CARMIL1: variants seen among roughly 807,000 people sequenced by gnomAD.
CARMIL1 encodes capping protein regulator and myosin 1 linker 1.
Under a neutral mutation model 177.1 loss-of-function variants are expected in CARMIL1, and 90 were observed. The observed-to-expected ratio is 0.51, with a 90% CI of 0.43 to 0.61. CARMIL1 has a LOEUF of 0.61. CARMIL1 is among the 20% of genes least tolerant of loss of function. CARMIL1 has a pLI of 0.00. For synonymous variants in CARMIL1, 577 were observed against 606.2 expected, an observed-to-expected ratio of 0.95 and a Z score of 0.71; for missense variants, 1,380 against 1,667.0, an observed-to-expected ratio of 0.83 and a Z score of 3.00.
At chr6:25,440,823 C>A (rs574127349) in intron 5 of CARMIL1, among the ~76,000 whole-genome samples, 41 of 152,150 alleles carry the variant, frequency 2.7e-4, no homozygotes, top group Admixed American at 1.9e-3. Flanking sequence ...TTTGTCCCAT[C>A]AAATTTATTT....
chr6:25,307,850 A>G (rs1477787416), intron 2 of CARMIL1, among the ~76,000 whole-genome samples: 1 of 152,116 alleles, frequency 6.6e-6, no homozygotes, highest in East Asian at 1.9e-4. Context: ...TAAATGAGGG[A>G]TAGCTAAAAG....
At chr6:25,503,896 T>C (rs994036908) in intron 17 of CARMIL1, among the ~76,000 whole-genome samples, 4 of 152,014 alleles carry the variant, frequency 2.6e-5, no homozygotes, top group Non-Finnish European at 4.4e-5. Flanking sequence ...GTGTTGATCA[T>C]TGTGCTTGGG....
chr6:25,520,265 G>C lies in CARMIL1; in HGVS notation c.1896G>C (p.Met632Ile). The change falls in exon 23 of 37, where the codon ATG becomes ATC. Residue 632 changes from methionine (M) to isoleucine (I), a missense_variant. Transcript: ENST00000329474. ...AMEKNYTLRF[M>I]PIPMYDASQA... The stretch of plus-strand genomic sequence containing the variant: ...CTAGGAACTACACATTAAGATTTAT[G>C]CCAATTCCTATGTATGATGCTTCTC... 1 of 1,549,084 alleles carries C rather than the reference G, an allele frequency of 6.5e-7. No individual in the cohort carries two copies. The highest frequency in any genetic ancestry group is 1.2e-5 in the South Asian group (1 of 83,188).
At position 25,600,297 on chromosome 6, in the gene CARMIL1, C is replaced by T. The variant is rs765785663; in HGVS notation, c.3120-17C>T. On this transcript the variant is annotated splice_polypyrimidine_tract_variant and intron_variant, in intron 32 of 36. Transcript: ENST00000329474. ...TACAGTAAAAACAACAGATCTGTGT[C>T]TTGGTTTGAAATGCAGGAAATGGTC... The T allele has an allele frequency of 2.5e-6, 4 of 1,590,856 alleles. No homozygotes were observed. Among genetic ancestry groups the T allele is most frequent in the Non-Finnish European group, 3.4e-6 (4 of 1,169,934 alleles).
At chr6:25,345,407 C>A (rs1459238480) in intron 2 of CARMIL1, among the ~76,000 whole-genome samples, 1 of 152,114 alleles carries the variant, frequency 6.6e-6, no homozygotes, top group South Asian at 2.1e-4. Context: ...ATGACTTCTG[C>A]ATTCGTATTT....
intron 2 of CARMIL1, among the ~76,000 whole-genome samples, chr6:25,345,014 C>T (rs183076609): frequency 9.9e-5 from 15 of 152,278 alleles, no homozygotes; most frequent in African/African-American, 3.1e-4. Flanking sequence ...TTGAATGAGT[C>T]ATCTGTATGC....
rs528729682 is a variant in CARMIL1 at position 25,538,370 on chromosome 6, T to C, written c.2196+387T>C. Among the ~76,000 whole-genome samples the C allele has an allele frequency of 5.9e-5, 9 of 152,290 alleles. No homozygotes were observed. In the East Asian group the frequency reaches 1.7e-3, roughly 29 times the overall value. The stretch of plus-strand genomic sequence containing the variant: ...CTTTGGTTCCCAATGTGTGACTTAG[T>C]AGAGTAAGGACTTAACTGTGAGTCA... On this transcript the variant is annotated intron_variant, in intron 25 of 36. Coordinates refer to ENST00000329474, the MANE Select transcript of CARMIL1 (RefSeq NM_017640.6).
At chr6:25,487,380 A>C (rs1405048623) in intron 12 of CARMIL1, among the ~76,000 whole-genome samples, 1 of 152,188 alleles carries the variant, frequency 6.6e-6, no homozygotes, top group African/African-American at 2.4e-5. Context: ...AGGGGAAAGA[A>C]AACCTTTTCC....
At chr6:25,421,926 C>T (rs999552526) in intron 3 of CARMIL1, among the ~76,000 whole-genome samples, 7 of 149,770 alleles carry the variant, frequency 4.7e-5, no homozygotes, top group Non-Finnish European at 1.0e-4. Context: ...ATGTAAATGA[C>T]GAGTTAATGG....
chr6:25,378,323 G>A (rs1258086033), intron 2 of CARMIL1, among the ~76,000 whole-genome samples: 2 of 152,172 alleles, frequency 1.3e-5, no homozygotes, highest in Non-Finnish European at 2.9e-5. Flanking sequence ...CCTTTGCATG[G>A]CCTTCAGGCC....
chr6:25,337,668 C>T (rs975045182), intron 2 of CARMIL1, among the ~76,000 whole-genome samples: 6 of 152,176 alleles, frequency 3.9e-5, no homozygotes, highest in Non-Finnish European at 8.8e-5. Flanking sequence ...GTCAGAGGCT[C>T]CTCAAGTGGA....
In CARMIL1 at chr6:25,488,483, G is replaced by A. The variant is rs764961384; in HGVS notation, c.963G>A (p.Gly321=). 6.2e-7 allele frequency: 1 copy of A among 1,613,184 alleles called. No individual in the cohort carries two copies. Among genetic ancestry groups the A allele is most frequent in the Non-Finnish European group, 8.5e-7 (1 of 1,179,148 alleles). Residue 321 remains glycine, a splice_region_variant and synonymous_variant, in exon 13 of 37, where the codon GGG becomes GGA. Coordinates refer to ENST00000329474, the MANE Select transcript of CARMIL1 (RefSeq NM_017640.6). ...NLSKTSLSPK[G]VNSLSQSLSA... is the part of the protein sequence containing the mutation. ...GCCTGGATTTTCTTGATGTTGCAGGGGTGAACAGCCTTTCTCAGTCACTCA... is the reference window on the plus strand; with the variant it reads ...GCCTGGATTTTCTTGATGTTGCAGGAGTGAACAGCCTTTCTCAGTCACTCA...
chr6:25,299,088 G>C (rs1175902324), intron 2 of CARMIL1, among the ~76,000 whole-genome samples: 1 of 151,450 alleles, frequency 6.6e-6, no homozygotes, highest in African/African-American at 2.4e-5. Flanking sequence ...TTGATCGGGG[G>C]TGCAGGGTGC....
chr6:25,306,922 G>A (rs1783321626), intron 2 of CARMIL1, among the ~76,000 whole-genome samples: 1 of 136,472 alleles, frequency 7.3e-6, no homozygotes, highest in South Asian at 2.3e-4. Context: ...CTTGTCGCCT[G>A]GGCTGGAATG....
chr6:25,402,132 G>A (rs1252315213), intron 2 of CARMIL1, among the ~76,000 whole-genome samples: 1 of 151,582 alleles, frequency 6.6e-6, no homozygotes, highest in Non-Finnish European at 1.5e-5. Flanking sequence ...ACTAAAAAAT[G>A]GTTAAACTAA....
At chr6:25,599,555 A>G (rs574436517) in intron 32 of CARMIL1, among the ~76,000 whole-genome samples, 1 of 152,168 alleles carries the variant, frequency 6.6e-6, no homozygotes, top group South Asian at 2.1e-4. Flanking sequence ...GTTTCAGCAT[A>G]TTCTCCTTCT....
chr6:25,398,350 C>T (rs1581802612), intron 2 of CARMIL1, among the ~76,000 whole-genome samples: 1 of 152,108 alleles, frequency 6.6e-6, no homozygotes, highest in African/African-American at 2.4e-5. Context: ...TGAAAACTCA[C>T]AAATAGAGAA....
At chr6:25,402,169 T>G (rs111553127) in intron 2 of CARMIL1, among the ~76,000 whole-genome samples, 1 of 151,938 alleles carries the variant, frequency 6.6e-6, no homozygotes, top group Admixed American at 6.6e-5. Context: ...CATGGTGATC[T>G]TGGGAGGAAA....
At chr6:25,582,822 A>G (rs946005417) in intron 31 of CARMIL1, among the ~76,000 whole-genome samples, 1 of 152,238 alleles carries the variant, frequency 6.6e-6, no homozygotes, top group Admixed American at 6.5e-5. Context: ...ACCTCTGGCC[A>G]TAATACATTA....
Sources: allele counts gnomAD v4.1 joint callset (sites outside exome capture counted in the v4.1 genomes callset), GRCh38; gene constraint gnomAD v4.1.1; transcripts MANE v1.5; gene names NCBI Gene and HGNC (gene_info 2026-07-23, HGNC 2026-07-21).